The following ANGPT1 variants were observed in gnomAD, a reference collection of about 807,000 sequenced individuals.
ANGPT1 encodes angiopoietin-1.
In ANGPT1, 17 loss-of-function variants were observed where a neutral mutation model predicts 62.2. That is an observed-to-expected ratio of 0.27 (90% CI 0.19 to 0.41). The LOEUF (loss-of-function observed/expected upper bound fraction) is 0.41, where lower values mean the gene tolerates loss of function less well. ANGPT1 is among the 10% of genes least tolerant of loss of function. ANGPT1 has a pLI of 1.00. For synonymous variants in ANGPT1, 199 were observed against 198.9 expected, an observed-to-expected ratio of 1.00 and a Z score of 0.00; for missense variants, 478 against 594.9, an observed-to-expected ratio of 0.80 and a Z score of 2.04.
intron 1 of ANGPT1, among the ~76,000 whole-genome samples, chr8:107,375,268 T>C (rs1010762037): frequency 6.6e-6 from 1 of 152,288 alleles, no homozygotes; most frequent in Admixed American, 6.5e-5. Flanking sequence ...AGAAATAAGG[T>C]TGTTGAAAAC....
chr8:107,368,081 C>A (rs10101822), intron 1 of ANGPT1, among the ~76,000 whole-genome samples: 2,115 of 152,258 alleles, frequency 0.014, 54 homozygotes, highest in African/African-American at 0.047. Context: ...TCTGAGGAAT[C>A]ATTGTCTATG....
At chr8:107,363,763 A>T (rs903111828) in intron 1 of ANGPT1, among the ~76,000 whole-genome samples, 1 of 152,178 alleles carries the variant, frequency 6.6e-6, no homozygotes, top group Non-Finnish European at 1.5e-5. Context: ...ACAGTAAAAA[A>T]AATAATAATA....
chr8:107,303,476 A>C, intron 4 of ANGPT1, 109 bp from the exon 5 acceptor site: 2 of 885,880 alleles, frequency 2.3e-6, no homozygotes, highest in Non-Finnish European at 3.4e-6. Flanking sequence ...CACAAATGTC[A>C]ATATCGCACA....
chr8:107,311,485 A>G (rs55748473), intron 4 of ANGPT1, among the ~76,000 whole-genome samples: 59,057 of 151,970 alleles, frequency 0.39, 11,740 homozygotes, highest in Middle Eastern at 0.46. Context: ...TATATTGCCC[A>G]TGATATATAA....
chr8:107,322,823 TCA>T (rs1563568552), intron 3 of ANGPT1: 1 of 211,194 alleles, frequency 4.7e-6, no homozygotes. Context: ...ACATTCTCAA[TCA>T]CACACACATA....
At chr8:107,448,801 C>A (rs926055564) in intron 1 of ANGPT1, among the ~76,000 whole-genome samples, 1 of 152,254 alleles carries the variant, frequency 6.6e-6, no homozygotes, top group African/African-American at 2.4e-5. Context: ...AGAATCCCAC[C>A]TACCTAAGTT....
At chr8:107,477,780 T>C (rs1812571727) in intron 1 of ANGPT1, among the ~76,000 whole-genome samples, 1 of 152,164 alleles carries the variant, frequency 6.6e-6, no homozygotes, top group Non-Finnish European at 1.5e-5. Flanking sequence ...ATTTCTTATA[T>C]GTATTTCTTC....
intron 1 of ANGPT1, among the ~76,000 whole-genome samples, chr8:107,378,312 A>G (rs756257826): frequency 6.6e-6 from 1 of 152,182 alleles, no homozygotes; most frequent in Non-Finnish European, 1.5e-5. Context: ...TTCAAAAAAG[A>G]AGCAAGTAGT....
At chr8:107,352,169 C>T (rs1815947246) in intron 1 of ANGPT1, among the ~76,000 whole-genome samples, 1 of 152,090 alleles carries the variant, frequency 6.6e-6, no homozygotes, top group African/African-American at 2.4e-5. Flanking sequence ...ATACAATATT[C>T]ATGCACAAAA....
chr8:107,431,840 T>C (rs995609558), intron 1 of ANGPT1, among the ~76,000 whole-genome samples: 2 of 152,164 alleles, frequency 1.3e-5, no homozygotes, highest in African/African-American at 4.8e-5. Flanking sequence ...GATGACCCAG[T>C]GGTTTAAGTT....
At chr8:107,391,614 C>T (rs751145560) in intron 1 of ANGPT1, among the ~76,000 whole-genome samples, 1 of 152,118 alleles carries the variant, frequency 6.6e-6, no homozygotes, top group East Asian at 1.9e-4. Context: ...TTGGAGTGAC[C>T]TGAGATCATG....
Position 107,477,193 on chromosome 8 carries a change from A to G in ANGPT1, c.297+20069T>C, listed in dbSNP as rs1281582483. On this transcript the variant is annotated intron_variant, in intron 1 of 8. Transcript: ENST00000517746. ...ATTGCCTGACCTATCACACCTACTC[A>G]TTCATTTATCCCTGCAGTCATATGT... Among the ~76,000 whole-genome samples the G allele has an allele frequency of 2.6e-5, 4 of 152,226 alleles. No individual in the cohort carries two copies. The East Asian group carries it at 7.7e-4, about 29-fold the overall frequency.
chr8:107,466,338 G>A (rs1586346170), intron 1 of ANGPT1, among the ~76,000 whole-genome samples: 1 of 151,988 alleles, frequency 6.6e-6, no homozygotes, highest in East Asian at 1.9e-4. Flanking sequence ...ATAAGGGCAG[G>A]CCTCAAGGAG....
chr8:107,292,151 C>T (rs1814293357), intron 6 of ANGPT1, among the ~76,000 whole-genome samples: 1 of 152,118 alleles, frequency 6.6e-6, no homozygotes. Flanking sequence ...GAGAAGCAGG[C>T]TCTACTATCA....
intron 1 of ANGPT1, among the ~76,000 whole-genome samples, chr8:107,399,906 C>A (rs750404068): frequency 2.6e-5 from 4 of 152,150 alleles, no homozygotes; most frequent in Non-Finnish European, 5.9e-5. Flanking sequence ...TGTTGCGACA[C>A]AACTGGCCCG....
chr8:107,484,602 G>A (rs946182468), intron 1 of ANGPT1, among the ~76,000 whole-genome samples: 1 of 152,010 alleles, frequency 6.6e-6, no homozygotes, highest in Non-Finnish European at 1.5e-5. Context: ...TAGAGACAGG[G>A]TTTCACCATG....
chr8:107,336,664 C>CAAAAAAAAAAAAAAAAAAAAAAAA (rs764777661), intron 2 of ANGPT1: 1 of 61,372 alleles, frequency 1.6e-5, no homozygotes, highest in Non-Finnish European at 2.9e-5. Flanking sequence ...GACTCTGTCT[C>CAAAAAAAAAAAAAAAAAAAAAAAA]AAAAAAAAAA....
At chr8:107,410,449 A>G (rs1310286185) in intron 1 of ANGPT1, among the ~76,000 whole-genome samples, 1 of 152,062 alleles carries the variant, frequency 6.6e-6, no homozygotes, top group Non-Finnish European at 1.5e-5. Context: ...TTTTACCCCT[A>G]CAGTCCGCAG....
intron 4 of ANGPT1, among the ~76,000 whole-genome samples, chr8:107,307,088 T>C (rs1032837131): frequency 6.6e-6 from 1 of 152,140 alleles, no homozygotes; most frequent in African/African-American, 2.4e-5. Context: ...ATTCTTTCTT[T>C]GACCAGATAT....
Sources: allele counts gnomAD v4.1 joint callset (sites outside exome capture counted in the v4.1 genomes callset), GRCh38; gene constraint gnomAD v4.1.1; transcripts MANE v1.5; gene names NCBI Gene and HGNC (gene_info 2026-07-23, HGNC 2026-07-21).